The following KIF7 variants were observed in gnomAD, a reference collection of about 807,000 sequenced individuals.
KIF7 encodes the protein kinesin-like protein KIF7.
In KIF7, 104 loss-of-function variants were observed where a neutral mutation model predicts 135.7. The ratio of observed to expected loss-of-function variants is 0.77; its 90% CI spans 0.65 to 0.90. The LOEUF is 0.90. KIF7 is among the 40% of genes least tolerant of loss of function. The pLI is 0.00. For missense variants in KIF7, 2,005 were observed against 1,839.1 expected, an observed-to-expected ratio of 1.09 and a Z score of -1.65; for synonymous variants, 883 against 809.4, an observed-to-expected ratio of 1.09 and a Z score of -1.54.
chr15:89,626,057 C>G, downstream of KIF7: 2 of 1,613,820 alleles, frequency 1.2e-6, no homozygotes, highest in South Asian at 1.1e-5. Context: ...GCAAAGACCC[C>G]AGAGGTAATG....
Position 89,645,122 on chromosome 15 carries a change from G to C in KIF7, c.2082C>G (p.Pro694=). ...SKARVQARQV[P]PATASEWRLA... is the part of the protein sequence containing the mutation. ...GCCGCCACTCTGAGGCTGTGGCAGG[G>C]GGGACCTGGCGGGCCTGAACTCGGG... is the stretch of plus-strand genomic sequence containing the variant. Residue 694 remains proline (P), a synonymous_variant, in exon 10 of 19, where the codon CCC becomes CCG. Coordinates refer to ENST00000394412, the MANE Select transcript of KIF7 (RefSeq NM_198525.3). The C allele has an allele frequency of 1.2e-6, 2 of 1,605,452 alleles. No homozygotes were observed. The highest frequency in any genetic ancestry group is 1.1e-5 in the South Asian group (1 of 91,082).
At chr15:89,639,085 C>A (rs940046994) in intron 11 of KIF7, among the ~76,000 whole-genome samples, 2 of 151,934 alleles carry the variant, frequency 1.3e-5, no homozygotes, top group African/African-American at 4.8e-5. Flanking sequence ...ACTGGCTAGC[C>A]ATATGTAGAA....
At chr15:89,662,601 G>T in the KIF7 span, among the ~76,000 whole-genome samples, 11 of 152,214 alleles carry the variant, frequency 7.2e-5, no homozygotes, top group Non-Finnish European at 1.6e-4. Context: ...AGTTAGAAGC[G>T]GGTTTTGTAA....
upstream of KIF7, among the ~76,000 whole-genome samples, chr15:89,657,205 T>C (rs949103530): frequency 2.0e-5 from 3 of 149,324 alleles, no homozygotes; most frequent in African/African-American, 7.4e-5. Flanking sequence ...ACTTGGGAGG[T>C]TGAAGTAGGA....
intron 11 of KIF7, among the ~76,000 whole-genome samples, chr15:89,634,806 G>A (rs777334952): frequency 3.3e-5 from 5 of 152,328 alleles, no homozygotes; most frequent in East Asian, 1.9e-4. Context: ...TGGGAAGCTC[G>A]ATCTGGGTGG....
intron 1 of KIF7, among the ~76,000 whole-genome samples, chr15:89,622,701 C>T (rs1963446454): frequency 6.6e-6 from 1 of 152,194 alleles, no homozygotes; most frequent in African/African-American, 2.4e-5. Flanking sequence ...TCACCCCTCC[C>T]CGCTCCACCT....
intron 12 of KIF7, 34 bp from the exon 13 acceptor site, chr15:89,633,300 T>C: frequency 1.3e-6 from 2 of 1,542,430 alleles, no homozygotes; most frequent in Non-Finnish European, 1.7e-6. Flanking sequence ...GGGCTGTTTA[T>C]GGTGCCAGCA....
At chr15:89,619,114 C>G in intron 1 of KIF7, among the ~76,000 whole-genome samples, 1 of 152,048 alleles carries the variant, frequency 6.6e-6, no homozygotes, top group East Asian at 1.9e-4. Context: ...CAGAAATACT[C>G]TAACATTTTA....
chr15:89,629,336 A>AG (rs1473645482), intron 17 of KIF7, 39 bp downstream of exon 17: 1 of 666,300 alleles, frequency 1.5e-6, no homozygotes, highest in Non-Finnish European at 1.8e-6. Context: ...GGGGGGATGG[A>AG]GGGGGCCGGG....
chr15:89,647,823 C>T, intron 5 of KIF7, 111 bp from the exon 6 acceptor site: 1 of 888,436 alleles, frequency 1.1e-6, no homozygotes, highest in Non-Finnish European at 1.7e-6. Flanking sequence ...GCCCTACCTG[C>T]AGTGGGAACT....
intron 11 of KIF7, 70 bp from the exon 12 acceptor site, chr15:89,633,953 C>G (rs758673220): frequency 7.1e-6 from 11 of 1,553,100 alleles, no homozygotes; most frequent in Non-Finnish European, 8.9e-6. Flanking sequence ...GCTGGGCACT[C>G]AACAAGGGCA....
At chr15:89,626,948 T>G, downstream of KIF7, 4 of 1,613,290 alleles carry the variant, frequency 2.5e-6, no homozygotes, top group Non-Finnish European at 3.4e-6. Flanking sequence ...CTTTCTACCT[T>G]CTTCTAGATG....
chr15:89,628,858 G>T, intron 18 of KIF7, 72 bp from the exon 19 acceptor site: 1 of 1,610,070 alleles, frequency 6.2e-7, no homozygotes, highest in Non-Finnish European at 8.5e-7. Flanking sequence ...GCTCCCCAGT[G>T]CCCCAGCACA....
At chr15:89,645,863 T>C (rs763825095) in intron 8 of KIF7, 30 bp downstream of exon 8, 2 of 1,610,472 alleles carry the variant, frequency 1.2e-6, no homozygotes, top group Admixed American at 3.4e-5. Flanking sequence ...AGCAGGTCCT[T>C]GTCAGGTGGG....
At chr15:89,658,733 G>A (rs1367743313), upstream of KIF7, among the ~76,000 whole-genome samples, 1 of 151,972 alleles carries the variant, frequency 6.6e-6, no homozygotes, top group Non-Finnish European at 1.5e-5. Context: ...GCATGGTGGT[G>A]TGCACCTGTA....
chr15:89,625,458 T>TG, downstream of KIF7: 1 of 1,613,932 alleles, frequency 6.2e-7, no homozygotes, highest in Non-Finnish European at 8.5e-7. Context: ...TGTCACTGCT[T>TG]GAGTCAGAGG....
Position 89,630,302 on chromosome 15 carries a change from G to A in KIF7, c.3303C>T (p.Cys1101=), listed in dbSNP as rs770485780. ...GCTGGCCCACCTTGTCAAAATACTTGCAGAGGAGGGCTCTGGTCTCTGAGG... is the reference window on the plus strand; with the variant it reads ...GCTGGCCCACCTTGTCAAAATACTTACAGAGGAGGGCTCTGGTCTCTGAGG... The part of the protein sequence containing the change: ...LSSSETRALL[C]KYFDKVVTLR... The change falls in exon 16 of 19, where the codon TGC becomes TGT. Residue 1101 remains cysteine (C), a synonymous_variant. Transcript: ENST00000394412. The A allele has an allele frequency of 6.2e-7, 1 of 1,614,058 alleles. No homozygotes were observed. Among genetic ancestry groups the A allele is most frequent in the Non-Finnish European group, 8.5e-7 (1 of 1,180,010 alleles).
rs773564872 is a variant in KIF7, at chr15:89,629,000, C to G, written c.3640G>C (p.Val1214Leu). 6.2e-7 allele frequency: 1 copy of G among 1,613,730 alleles called. No individual in the cohort carries two copies. The highest frequency in any genetic ancestry group is 2.2e-5 in the East Asian group (1 of 44,824). ...CCCCTGCTGTGGCCTACAGCGTTCA[C>G]ACCGCCGAGCTTCTGTTTCAGTTCC... is the stretch of plus-strand genomic sequence containing the variant. ...NQELKQKLGG[V>L]NAVGHSRGGE... Residue 1214 changes from valine to leucine, a missense_variant, in exon 18 of 19, where the codon GTG (valine) becomes CTG (leucine). By Grantham distance (32) the Val-to-Leu change is conservative. Coordinates refer to ENST00000394412, the MANE Select transcript of KIF7 (RefSeq NM_198525.3).
chr15:89,628,708 A>G lies in KIF7; in HGVS notation c.3743T>C (p.Leu1248Pro). The G allele has an allele frequency of 6.2e-7, 1 of 1,613,064 alleles. No homozygotes were observed. Among genetic ancestry groups the G allele is most frequent in the South Asian group, 1.1e-5 (1 of 91,086 alleles). ...NEDELHLAPE[L>P]LWLSPLTEGA... Reference sequence around the variant, plus strand: ...CTCAGTGAGGGGGGACAGCCAGAGAAGCTCGGGTGCCAGGTGGAGCTCATC... The same window carrying G: ...CTCAGTGAGGGGGGACAGCCAGAGAGGCTCGGGTGCCAGGTGGAGCTCATC... The change falls in exon 19 of 19, where the codon CTT (leucine) becomes CCT (proline). Residue 1248 changes from leucine (L) to proline (P), a missense_variant. By Grantham distance (98) the Leu-to-Pro change is moderately conservative. Coordinates refer to ENST00000394412, the MANE Select transcript of KIF7 (RefSeq NM_198525.3).
Sources: allele counts gnomAD v4.1 joint callset (sites outside exome capture counted in the v4.1 genomes callset), GRCh38; gene constraint gnomAD v4.1.1; transcripts MANE v1.5; gene names NCBI Gene and HGNC (gene_info 2026-07-23, HGNC 2026-07-21).